The following ROBO1 variants were observed in gnomAD, a reference collection of about 807,000 sequenced individuals.
The protein encoded by ROBO1 is roundabout guidance receptor 1, also known as roundabout homolog 1.
Under a neutral mutation model 195.9 loss-of-function variants are expected in ROBO1, and 149 were observed. The ratio of observed to expected loss-of-function variants is 0.76; its 90% CI spans 0.67 to 0.87. The LOEUF (loss-of-function observed/expected upper bound fraction) is 0.87, where lower values mean the gene tolerates loss of function less well. Ranked by LOEUF, ROBO1 falls within the 40% of genes least tolerant of loss-of-function variation. The pLI, the probability that ROBO1 is intolerant of heterozygous loss-of-function variation, is 0.00. For synonymous variants in ROBO1, 816 were observed against 733.2 expected (o/e 1.11, Z -1.82); for missense variants, 1,933 against 2,068.3 (o/e 0.93, Z 1.27).
At chr3:79,679,452 G>A (rs1299854513) in intron 1 of ROBO1, among the ~76,000 whole-genome samples, 1 of 151,812 alleles carries the variant, frequency 6.6e-6, no homozygotes, top group Admixed American at 6.6e-5. Context: ...ATATGTCAGG[G>A]AACAATTACA....
chr3:79,372,941 C>T (rs1467918631), intron 2 of ROBO1, among the ~76,000 whole-genome samples: 3 of 150,746 alleles, frequency 2.0e-5, no homozygotes, highest in African/African-American at 4.9e-5. Context: ...GGGGTACATG[C>T]GCAGGTTTGT....
At chr3:79,408,090 C>T (rs1045192289) in intron 2 of ROBO1, among the ~76,000 whole-genome samples, 2 of 151,896 alleles carry the variant, frequency 1.3e-5, no homozygotes, top group African/African-American at 4.8e-5. Flanking sequence ...GTGGTACATG[C>T]CTGTGATCCC....
rs116528887 is a variant in ROBO1, at chr3:79,377,814, G to A, written c.88+212010C>T. On this transcript the variant is annotated intron_variant, in intron 2 of 30. Transcript: ENST00000464233. ...ACTGTCCACTTAATTTCATATGTGA[G>A]TGATACGGTCGTGCTAGCAGATCAG... is the stretch of plus-strand genomic sequence containing the variant. 2.6e-3 allele frequency among the ~76,000 whole-genome samples: 393 copies of A among 152,282 alleles called. 4 individuals carry two copies. The highest frequency in any genetic ancestry group is 8.9e-3 in the African/African-American group (370 of 41,566).
intron 5 of ROBO1, among the ~76,000 whole-genome samples, chr3:78,719,087 G>A (rs1009154496): frequency 1.3e-5 from 2 of 152,112 alleles, no homozygotes; most frequent in African/African-American, 2.4e-5. Context: ...CATTAACAAA[G>A]TTTTTAATTT....
At chr3:79,535,109 A>T (rs555141321) in intron 2 of ROBO1, among the ~76,000 whole-genome samples, 40 of 152,120 alleles carry the variant, frequency 2.6e-4, no homozygotes, top group Non-Finnish European at 5.0e-4. Context: ...CATAATTAAG[A>T]AACAGTTACA....
intron 23 of ROBO1, among the ~76,000 whole-genome samples, chr3:78,635,248 T>C (rs1356646841): frequency 6.6e-6 from 1 of 152,136 alleles, no homozygotes; most frequent in African/African-American, 2.4e-5. Flanking sequence ...CCAAGGAAAT[T>C]TAGGTTCTAA....
At chr3:79,334,686 A>C (rs552954224) in intron 2 of ROBO1, among the ~76,000 whole-genome samples, 1 of 152,192 alleles carries the variant, frequency 6.6e-6, no homozygotes, top group South Asian at 2.1e-4. Flanking sequence ...TGGCATATGT[A>C]ATAGTTTCAG....
At chr3:79,054,255 G>A (rs1319438709) in intron 3 of ROBO1, among the ~76,000 whole-genome samples, 1 of 152,108 alleles carries the variant, frequency 6.6e-6, no homozygotes, top group African/African-American at 2.4e-5. Context: ...GAGAGCTTGG[G>A]ATAAATTACG....
chr3:78,784,453 G>A (rs1039529597), intron 4 of ROBO1, among the ~76,000 whole-genome samples: 7 of 152,022 alleles, frequency 4.6e-5, no homozygotes, highest in East Asian at 1.9e-4. Context: ...CTTCTGTTTC[G>A]GGATGTTTAG....
chr3:79,675,056 G>A (rs955244038), intron 1 of ROBO1, among the ~76,000 whole-genome samples: 1 of 151,800 alleles, frequency 6.6e-6, no homozygotes, highest in East Asian at 1.9e-4. Flanking sequence ...ATCTGGTTGA[G>A]CACAGTGCTT....
intron 1 of ROBO1, among the ~76,000 whole-genome samples, chr3:79,716,008 C>T (rs558867657): frequency 6.6e-6 from 1 of 151,908 alleles, no homozygotes; most frequent in African/African-American, 2.4e-5. Context: ...ATTATTTTTT[C>T]CAAGGAGATA....
chr3:79,080,662 T>A (rs2079256015), intron 3 of ROBO1, among the ~76,000 whole-genome samples: 1 of 152,026 alleles, frequency 6.6e-6, no homozygotes, highest in African/African-American at 2.4e-5. Flanking sequence ...GATCCTTCAA[T>A]GAAATGAGTA....
At chr3:79,197,895 T>TC (rs2081672085) in intron 2 of ROBO1, among the ~76,000 whole-genome samples, 1 of 150,364 alleles carries the variant, frequency 6.7e-6, no homozygotes, top group Non-Finnish European at 1.5e-5. Context: ...TTTTTTTTTT[T>TC]CTTGTAAATT....
At chr3:78,956,380 G>T (rs769225992) in intron 3 of ROBO1, among the ~76,000 whole-genome samples, 12 of 151,930 alleles carry the variant, frequency 7.9e-5, no homozygotes, top group Non-Finnish European at 1.5e-4. Context: ...TTATCATTTT[G>T]TATTTTAACG....
chr3:79,081,913 A>G (rs1182275090), intron 3 of ROBO1, among the ~76,000 whole-genome samples: 1 of 152,184 alleles, frequency 6.6e-6, no homozygotes, highest in Non-Finnish European at 1.5e-5. Context: ...ATTTAATGCT[A>G]TATTACCATT....
intron 3 of ROBO1, among the ~76,000 whole-genome samples, chr3:79,001,391 T>C (rs941888880): frequency 5.3e-5 from 8 of 151,918 alleles, no homozygotes; most frequent in Non-Finnish European, 7.4e-5. Flanking sequence ...TCCCACCAGA[T>C]CCCTCCCACG....
rs192295603 is a variant in ROBO1 at position 79,263,307 on chromosome 3, C to G, written c.89-137768G>C. 7.6e-4 allele frequency among the ~76,000 whole-genome samples: 115 copies of G among 152,092 alleles called. 2 individuals carry two copies. The highest frequency in any genetic ancestry group is 9.7e-4 in the Non-Finnish European group (66 of 67,958). ...AACAAACACAGGTATCTCCTGATAACAAAGACCAGTCTCTCCATACATGCA... is the reference window on the plus strand; with the variant it reads ...AACAAACACAGGTATCTCCTGATAAGAAAGACCAGTCTCTCCATACATGCA... On this transcript the variant is annotated intron_variant, in intron 2 of 30. Coordinates refer to ENST00000464233, the MANE Select transcript of ROBO1 (RefSeq NM_002941.4).
At chr3:79,253,146 G>A (rs1180262819) in intron 2 of ROBO1, among the ~76,000 whole-genome samples, 1 of 151,994 alleles carries the variant, frequency 6.6e-6, no homozygotes, top group African/African-American at 2.4e-5. Flanking sequence ...TCAATTATTA[G>A]CAGTGTGTAG....
At chr3:78,945,637 T>C (rs1414439495) in intron 3 of ROBO1, among the ~76,000 whole-genome samples, 1 of 152,032 alleles carries the variant, frequency 6.6e-6, no homozygotes, top group Non-Finnish European at 1.5e-5. Flanking sequence ...GGAATGCAGC[T>C]CCTCACCAGC....
Sources: gnomAD v4.1 joint callset for allele counts (sites outside exome capture counted in the v4.1 genomes callset) on GRCh38, gnomAD v4.1.1 for gene constraint, MANE v1.5 for transcripts, NCBI Gene and HGNC (gene_info 2026-07-23, HGNC 2026-07-21) for gene names.